The following IQGAP2 variants were observed in gnomAD, a reference collection of about 807,000 sequenced individuals.
IQGAP2 encodes the protein ras GTPase-activating-like protein IQGAP2.
Under a neutral mutation model 201.3 loss-of-function variants are expected in IQGAP2, and 173 were observed. That is an observed-to-expected ratio of 0.86 (90% confidence interval 0.76 to 0.98). IQGAP2 has a LOEUF of 0.98. IQGAP2 is among the 50% of genes least tolerant of loss of function. The pLI, the probability that IQGAP2 is intolerant of heterozygous loss-of-function variation, is 0.00. For missense variants in IQGAP2, 1,687 were observed against 1,864.8 expected (o/e 0.90, Z 1.76); for synonymous variants, 675 against 673.9 (o/e 1.00, Z -0.03).
chr5:76,444,255 G>GA (rs1457893720), intron 1 of IQGAP2, among the ~76,000 whole-genome samples: 3 of 152,036 alleles, frequency 2.0e-5, no homozygotes, highest in Admixed American at 2.0e-4. Flanking sequence ...AATAGAAAGA[G>GA]AAAATAGATG....
intron 2 of IQGAP2, among the ~76,000 whole-genome samples, chr5:76,480,736 A>G (rs1755732134): frequency 6.6e-6 from 1 of 152,226 alleles, no homozygotes; most frequent in Non-Finnish European, 1.5e-5. Flanking sequence ...TTGTCATGTA[A>G]ATGAAATAAT....
chr5:76,622,467 T>C (rs978465827), intron 13 of IQGAP2, among the ~76,000 whole-genome samples: 8 of 152,192 alleles, frequency 5.3e-5, no homozygotes. Context: ...CTCCCACTCC[T>C]AACAATGTTG....
At chr5:76,657,514 C>A (rs890613126) in intron 20 of IQGAP2, among the ~76,000 whole-genome samples, 1 of 152,088 alleles carries the variant, frequency 6.6e-6, no homozygotes, top group African/African-American at 2.4e-5. Flanking sequence ...CACCACAGAA[C>A]TAAGGTGGAA....
chr5:76,597,395 G>A (rs1216694221), intron 9 of IQGAP2, 44 bp from the exon 10 acceptor site: 2 of 1,605,382 alleles, frequency 1.2e-6, no homozygotes, highest in Admixed American at 1.7e-5. Context: ...AGACTGCAGT[G>A]GAAAGAGCAA....
chr5:76,614,605 C>CT (rs10603126), intron 13 of IQGAP2, among the ~76,000 whole-genome samples: 1,205 of 59,602 alleles, frequency 0.02, 361 homozygotes, highest in African/African-American at 0.055. Context: ...TTCCCCTCTG[C>CT]TTTTTTTTTT....
Position 76,404,781 on chromosome 5 carries a change from A to G in IQGAP2, c.46+1190A>G, listed in dbSNP as rs112909162. The stretch of plus-strand genomic sequence containing the variant: ...TGTACTCTAATGCATTCAGCAGTTG[A>G]CTGAGACCCAGCTTTTTGCCTTTTG... On this transcript the variant is annotated intron_variant, in intron 1 of 35. Coordinates refer to ENST00000274364, the MANE Select transcript of IQGAP2 (RefSeq NM_006633.5). Among the ~76,000 whole-genome samples the G allele has an allele frequency of 9.8e-3, 1,489 of 152,316 alleles. 11 individuals are homozygous for G. Among genetic ancestry groups the G allele is most frequent in the Non-Finnish European group, 0.015 (995 of 68,032 alleles).
chr5:76,551,666 A>G (rs1180095054), intron 2 of IQGAP2, among the ~76,000 whole-genome samples: 1 of 114,540 alleles, frequency 8.7e-6, no homozygotes, highest in Non-Finnish European at 1.8e-5. Context: ...CAGCCCAGCC[A>G]ACACGGCGAA....
At chr5:76,674,421 TA>T in intron 26 of IQGAP2, 55 bp from the exon 27 acceptor site, 1 of 1,043,324 alleles carries the variant, frequency 9.6e-7, no homozygotes, top group Non-Finnish European at 1.4e-6. Flanking sequence ...AAAAGAAAAC[TA>T]AAACTCTTGA....
intron 4 of IQGAP2, among the ~76,000 whole-genome samples, chr5:76,573,480 C>T (rs1745256863): frequency 6.6e-6 from 1 of 152,112 alleles, no homozygotes; most frequent in Non-Finnish European, 1.5e-5. Flanking sequence ...GATCTCATCT[C>T]CTTGCTGAAG....
chr5:76,682,131 G>A (rs530607401), intron 28 of IQGAP2, among the ~76,000 whole-genome samples: 1 of 152,306 alleles, frequency 6.6e-6, no homozygotes, highest in South Asian at 2.1e-4. Flanking sequence ...TACAGTCAGA[G>A]AGTGGTAATG....
chr5:76,454,729 T>A (rs1753971081), intron 1 of IQGAP2, among the ~76,000 whole-genome samples: 1 of 151,816 alleles, frequency 6.6e-6, no homozygotes, highest in South Asian at 2.1e-4. Flanking sequence ...TCTTTGCTAT[T>A]GTGAATAGTG....
At chr5:76,706,923 G>A (rs1175110932) in intron 35 of IQGAP2, among the ~76,000 whole-genome samples, 1 of 152,168 alleles carries the variant, frequency 6.6e-6, no homozygotes, top group African/African-American at 2.4e-5. Flanking sequence ...ACTAGCCTAT[G>A]TTTTTAACCA....
At chr5:76,603,803 A>G (rs1419036691) in intron 11 of IQGAP2, among the ~76,000 whole-genome samples, 2 of 151,968 alleles carry the variant, frequency 1.3e-5, no homozygotes, top group East Asian at 3.9e-4. Context: ...AGATTAGTAG[A>G]CTCCTTACTA....
chr5:76,530,948 TTGTG>T (rs1759255152), intron 2 of IQGAP2, among the ~76,000 whole-genome samples: 1 of 152,216 alleles, frequency 6.6e-6, no homozygotes, highest in Non-Finnish European at 1.5e-5. Flanking sequence ...AAGGGGTGTT[TTGTG>T]TGCTAATGAT....
rs184207926 is a variant in IQGAP2 at position 76,565,030 on chromosome 5, T to A, written c.303+2478T>A. Among the ~76,000 whole-genome samples the A allele has an allele frequency of 9.7e-4, 148 of 152,382 alleles. 1 individual carries two copies. The Middle Eastern group carries it at 0.024, about 25-fold the overall frequency. On this transcript the variant is annotated intron_variant, in intron 3 of 35. Transcript: ENST00000274364. The stretch of plus-strand genomic sequence containing the variant: ...TGCCTAGTGTTCTTGATGGAAACTT[T>A]GAGTGATTTGCCATGTAATCATAAA...
chr5:76,649,490 G>A (rs1383944249), intron 17 of IQGAP2, among the ~76,000 whole-genome samples: 5 of 152,182 alleles, frequency 3.3e-5, no homozygotes. Context: ...AGGGAAGAAA[G>A]GATAGCTAGA....
intron 28 of IQGAP2, among the ~76,000 whole-genome samples, chr5:76,681,865 A>G (rs1745333678): frequency 6.6e-6 from 1 of 152,238 alleles, no homozygotes; most frequent in Non-Finnish European, 1.5e-5. Flanking sequence ...AAAATGTGTT[A>G]TATTCATACA....
intron 28 of IQGAP2, among the ~76,000 whole-genome samples, chr5:76,680,564 G>A (rs187195171): frequency 2.6e-5 from 4 of 152,178 alleles, no homozygotes; most frequent in East Asian, 1.9e-4. Context: ...GCTGACGCTT[G>A]TAATCCTAGT....
chr5:76,446,193 G>C (rs1410137143), intron 1 of IQGAP2, among the ~76,000 whole-genome samples: 1 of 152,142 alleles, frequency 6.6e-6, no homozygotes, highest in Non-Finnish European at 1.5e-5. Context: ...CTTATTTTGG[G>C]TGTATACCCA....
Sources: allele counts gnomAD v4.1 joint callset (sites outside exome capture counted in the v4.1 genomes callset), GRCh38; gene constraint gnomAD v4.1.1; transcripts MANE v1.5; gene names NCBI Gene and HGNC (gene_info 2026-07-23, HGNC 2026-07-21).